The following TJP3 variants were observed in gnomAD, a reference collection of about 807,000 sequenced individuals.
TJP3 encodes the protein tight junction protein 3, also known as tight junction protein ZO-3.
In TJP3, 85 loss-of-function variants were observed where a neutral mutation model predicts 104.2. That is an observed-to-expected ratio of 0.82 (90% CI 0.68 to 0.98). The LOEUF (loss-of-function observed/expected upper bound fraction) is 0.98, where lower values mean the gene tolerates loss of function less well. Ranked by LOEUF, TJP3 falls within the 50% of genes least tolerant of loss-of-function variation. TJP3 has a pLI of 0.00. For synonymous variants in TJP3, 550 were observed against 550.6 expected, an observed-to-expected ratio of 1.00 and a Z score of 0.02; for missense variants, 1,367 against 1,322.8, an observed-to-expected ratio of 1.03 and a Z score of -0.52.
Position 3,746,393 on chromosome 19 carries a change from C to T in TJP3, c.2011-92C>T. On this transcript the variant is annotated intron_variant, in intron 16 of 20. Coordinates refer to ENST00000541714, the MANE Select transcript of TJP3 (RefSeq NM_001267560.2). This position sits in a 1 kb window ranked among gnomAD's most constrained non-coding sequence, Gnocchi z 4.1. ...TGTGGATGTGAGAGGCTGGGGTCCA[C>T]TCTGACCTCAGACTCTTCATCTTTC... The T allele has an allele frequency of 7.1e-7, 1 of 1,417,112 alleles. No homozygotes were observed. The highest frequency in any genetic ancestry group is 9.7e-7 in the Non-Finnish European group (1 of 1,026,162). The allele number at this position is 1,417,112 out of a possible 1,614,324, so 87.8% of individuals were successfully genotyped here.
chr19:3,743,359 C>T (rs922589008), intron 14 of TJP3, among the ~76,000 whole-genome samples: 6 of 152,182 alleles, frequency 3.9e-5, no homozygotes, highest in Admixed American at 6.5e-5. Flanking sequence ...CCTCAAGACG[C>T]TTCTGTGACT....
chr19:3,731,100 C>G (rs1290026710), intron 5 of TJP3, among the ~76,000 whole-genome samples: 1 of 152,052 alleles, frequency 6.6e-6, no homozygotes, highest in Non-Finnish European at 1.5e-5. Context: ...TTCTCTCTAG[C>G]TCTTTCTCTC....
In TJP3 at chr19:3,736,221, G is replaced by A. The variant is rs770286356; in HGVS notation, c.1184G>A (p.Arg395Gln). The change falls in exon 11 of 21, where the codon CGG (arginine) becomes CAG (glutamine). Residue 395 changes from arginine to glutamine, a missense_variant. Transcript: ENST00000541714. ...CTCAAGGGCAAGAGCATCGGGCTGC[G>A]GCTGGCAGGGGGCAATGACGTGGGC... ...RFLKGKSIGL[R>Q]LAGGNDVGIF... 28 of 1,594,396 alleles carry A rather than the reference G, an allele frequency of 1.8e-5. No individual in the cohort carries two copies. The highest frequency in any genetic ancestry group is 2.3e-5 in the South Asian group (2 of 88,826).
intron 14 of TJP3, among the ~76,000 whole-genome samples, chr19:3,741,719 A>T (rs1451776454): frequency 6.6e-6 from 1 of 151,312 alleles, no homozygotes; most frequent in East Asian, 1.9e-4. Flanking sequence ...CCGTAATCTC[A>T]ATGGTTTGGG....
At position 3,716,468 on chromosome 19, in the gene TJP3, C is replaced by T. The variant is rs551635782; in HGVS notation, c.-10+7907C>T. On this transcript the variant is annotated intron_variant, in intron 1 of 20. Transcript: ENST00000541714. ...GTTCGAGGTGCAGGGGCAAACAGAG[C>T]TGCAGCCAAATCCCTCAGGCCAGCT... Among the ~76,000 whole-genome samples the T allele has an allele frequency of 2.0e-5, 3 of 148,292 alleles. No individual in the cohort carries two copies. In the Admixed American group the frequency reaches 2.1e-4, roughly 10 times the overall value.
At chr19:3,727,104 G>A (rs1374196500) in intron 1 of TJP3, among the ~76,000 whole-genome samples, 1 of 151,660 alleles carries the variant, frequency 6.6e-6, no homozygotes, top group Non-Finnish European at 1.5e-5. Flanking sequence ...GTGTGGGAGG[G>A]GGGACTTCAT....
intron 20 of TJP3, 109 bp downstream of exon 20, chr19:3,750,293 G>A: frequency 6.8e-7 from 1 of 1,470,808 alleles, no homozygotes; most frequent in Non-Finnish European, 9.5e-7. Context: ...CCCTAGCCTA[G>A]TGGGGAAGAC....
chr19:3,744,436 C>T (rs537464990), intron 15 of TJP3, among the ~76,000 whole-genome samples: 2 of 152,006 alleles, frequency 1.3e-5, no homozygotes, highest in African/African-American at 2.4e-5. Flanking sequence ...GAGTCCGAGG[C>T]GGGTGGATCA....
intron 6 of TJP3, among the ~76,000 whole-genome samples, chr19:3,732,488 C>T (rs376445630): frequency 1.3e-5 from 2 of 151,636 alleles, no homozygotes; most frequent in African/African-American, 4.8e-5. Flanking sequence ...TGATTATTTC[C>T]AGTGTCTTCA....
At chr19:3,736,862 C>CACT (rs1238644985) in intron 11 of TJP3, among the ~76,000 whole-genome samples, 5 of 149,816 alleles carry the variant, frequency 3.3e-5, no homozygotes, top group African/African-American at 9.9e-5. Flanking sequence ...AGGCATGAGC[C>CACT]ACTGCGCCTG....
intron 3 of TJP3, among the ~76,000 whole-genome samples, chr19:3,729,078 G>C (rs755161303): frequency 5.9e-5 from 9 of 152,028 alleles, no homozygotes; most frequent in African/African-American, 9.7e-5. Flanking sequence ...GAGGTGAGGA[G>C]AAACCTTTGT....
In TJP3 at chr19:3,736,317, T is replaced by C; in HGVS notation, c.1280T>C (p.Leu427Pro). The C allele has an allele frequency of 6.5e-7, 1 of 1,529,598 alleles. No homozygotes were observed. The highest frequency in any genetic ancestry group is 8.8e-7 in the Non-Finnish European group (1 of 1,139,230). The allele number at this position is 1,529,598 out of a possible 1,614,324, so 94.8% of individuals were successfully genotyped here. ...GGCATCCAGGAGGGAGATCAGATTC[T>C]GCAGGTGCTCCGGGGGCGGCTGGCC... ...GQGIQEGDQILQVNDVPFQNL... is the reference protein window; with the variant it reads ...GQGIQEGDQIPQVNDVPFQNL... Residue 427 changes from leucine to proline, a missense_variant, in exon 11 of 21, where the codon CTG (leucine) becomes CCG (proline). Leu to Pro is a moderately conservative substitution (Grantham distance 98). Coordinates refer to ENST00000541714, the MANE Select transcript of TJP3 (RefSeq NM_001267560.2).
At chr19:3,739,929 G>A (rs559880769) in intron 13 of TJP3, among the ~76,000 whole-genome samples, 1 of 152,086 alleles carries the variant, frequency 6.6e-6, no homozygotes, top group East Asian at 1.9e-4. Flanking sequence ...CACCTCAATA[G>A]CATCAGTTTA....
rs1463255159 is a variant in TJP3, at chr19:3,710,800, G to A, written c.-10+2239G>A. On this transcript the variant is annotated intron_variant, in intron 1 of 20. Coordinates refer to ENST00000541714, the MANE Select transcript of TJP3 (RefSeq NM_001267560.2). ...GCCAAGCTTCCTGCTCTCGTGGGGCGCATATTTTGGTGGGGAAAGACAGAC... is the reference window on the plus strand; with the variant it reads ...GCCAAGCTTCCTGCTCTCGTGGGGCACATATTTTGGTGGGGAAAGACAGAC... Among the ~76,000 whole-genome samples the A allele has an allele frequency of 4.6e-5, 7 of 152,156 alleles. No individual in the cohort carries two copies. In the East Asian group the frequency reaches 1.3e-3, roughly 29 times the overall value.
rs780690332 is a variant in TJP3, at chr19:3,750,226, C to T, written c.2657+42C>T. ...CCAGATTGGGGCCCTCAACCCTTCCCTTGGGACTCAGACTCTGCGGACTCA... is the reference window on the plus strand; with the variant it reads ...CCAGATTGGGGCCCTCAACCCTTCCTTTGGGACTCAGACTCTGCGGACTCA... On this transcript the variant is annotated intron_variant, in intron 20 of 20. Coordinates refer to ENST00000541714, the MANE Select transcript of TJP3 (RefSeq NM_001267560.2). The T allele has an allele frequency of 3.1e-6, 5 of 1,613,216 alleles. No individual in the cohort carries two copies. In the African/African-American group the frequency reaches 5.3e-5, roughly 17 times the overall value.
intron 1 of TJP3, among the ~76,000 whole-genome samples, chr19:3,723,765 C>T (rs1210479243): frequency 6.8e-6 from 1 of 147,760 alleles, no homozygotes; most frequent in Non-Finnish European, 1.5e-5. Flanking sequence ...TACACTCCAG[C>T]CTGGGTGACA....
At chr19:3,732,149 C>A in intron 6 of TJP3, 111 bp downstream of exon 6, 1 of 822,976 alleles carries the variant, frequency 1.2e-6, no homozygotes, top group Non-Finnish European at 1.8e-6. Flanking sequence ...AAGCATTTAC[C>A]TTCAGTGTTG....
At chr19:3,750,506 C>A in intron 20 of TJP3, 76 bp from the exon 21 acceptor site, 1 of 1,294,242 alleles carries the variant, frequency 7.7e-7, no homozygotes. Context: ...GTGCCTAGCA[C>A]AGCCAGCCTC....
intron 1 of TJP3, among the ~76,000 whole-genome samples, chr19:3,721,043 A>G (rs111741443): frequency 0.039 from 5,847 of 151,630 alleles, 368 homozygotes; most frequent in African/African-American, 0.13. Context: ...GAGTAGCTGA[A>G]GCATGCGCCA....
Sources: gnomAD v4.1 joint callset for allele counts (sites outside exome capture counted in the v4.1 genomes callset) on GRCh38, gnomAD v4.1.1 for gene constraint, Gnocchi (gnomAD v3.1) non-coding constraint, MANE v1.5 for transcripts, NCBI Gene and HGNC (gene_info 2026-07-23, HGNC 2026-07-21) for gene names.